Variants in SYNPR observed in about 807,000 individuals in gnomAD.
SYNPR encodes synaptoporin.
Under a neutral mutation model 32.9 loss-of-function variants are expected in SYNPR, and 23 were observed. The observed-to-expected ratio is 0.70, with a 90% CI of 0.50 to 0.99. SYNPR has a LOEUF of 0.99. Among genes scored for constraint, SYNPR ranks in the 50% least tolerant of loss-of-function variants. The pLI is 0.00. For missense variants in SYNPR, 318 were observed against 349.3 expected, an observed-to-expected ratio of 0.91 and a Z score of 0.71; for synonymous variants, 146 against 135.9, an observed-to-expected ratio of 1.07 and a Z score of -0.52.
At chr3:63,614,942 AT>A (rs946331097) in intron 5 of SYNPR, among the ~76,000 whole-genome samples, 1 of 152,190 alleles carries the variant, frequency 6.6e-6, no homozygotes, top group Non-Finnish European at 1.5e-5. Flanking sequence ...AGCTTTCCAC[AT>A]CTTTAATGTG....
intron 4 of SYNPR, among the ~76,000 whole-genome samples, chr3:63,558,251 C>A (rs1489884650): frequency 6.6e-6 from 1 of 152,196 alleles, no homozygotes; most frequent in Non-Finnish European, 1.5e-5. Flanking sequence ...TATAAATTAC[C>A]CAGTCTCAGG....
At chr3:63,389,599 T>C (rs1319761639) in intron 2 of SYNPR, among the ~76,000 whole-genome samples, 2 of 152,326 alleles carry the variant, frequency 1.3e-5, no homozygotes, top group South Asian at 2.1e-4. Flanking sequence ...GTGGGTATTA[T>C]GTGCCCACCC....
intron 1 of SYNPR, among the ~76,000 whole-genome samples, chr3:63,236,943 G>A (rs976304649): frequency 6.6e-6 from 1 of 152,062 alleles, no homozygotes; most frequent in Non-Finnish European, 1.5e-5. Flanking sequence ...TACTTCTGAT[G>A]TTAGGAGGAA....
chr3:63,534,804 G>C (rs1575697346), intron 3 of SYNPR, among the ~76,000 whole-genome samples: 1 of 152,210 alleles, frequency 6.6e-6, no homozygotes, highest in East Asian at 1.9e-4. Flanking sequence ...GAGAAGGTCA[G>C]GCTCTTTTTA....
chr3:63,318,069 C>T (rs910380258), intron 2 of SYNPR, among the ~76,000 whole-genome samples: 5 of 152,006 alleles, frequency 3.3e-5, no homozygotes, highest in Non-Finnish European at 7.4e-5. Context: ...TTTGAGGAAG[C>T]TGAAGATAGG....
At chr3:63,477,217 A>G (rs116341973) in intron 2 of SYNPR, among the ~76,000 whole-genome samples, 2,245 of 152,184 alleles carry the variant, frequency 0.015, 23 homozygotes, top group Middle Eastern at 0.034. Flanking sequence ...GCCCCTGGAG[A>G]GCCTCCAGTC....
rs542160518 is a variant in SYNPR at position 63,553,690 on chromosome 3, T to G, written c.210-2853T>G. ...TAGTGAAGATGAGTATTTTTTAATA[T>G]TTTTTTGGCCACTTCTATGTCTTTT... On this transcript the variant is annotated intron_variant, in intron 3 of 5. Coordinates refer to ENST00000478300, the MANE Select transcript of SYNPR (RefSeq NM_001130003.2). 3.3e-5 allele frequency among the ~76,000 whole-genome samples: 5 copies of G among 152,238 alleles called. No individual in the cohort carries two copies. In the South Asian group the frequency reaches 1.0e-3, roughly 32 times the overall value.
At chr3:63,237,040 A>T (rs1413425060) in intron 1 of SYNPR, among the ~76,000 whole-genome samples, 1 of 151,982 alleles carries the variant, frequency 6.6e-6, no homozygotes, top group Non-Finnish European at 1.5e-5. Flanking sequence ...TTTACTCCCA[A>T]CTTGGTAACA....
chr3:63,252,795 C>T (rs1226555049), intron 2 of SYNPR, among the ~76,000 whole-genome samples: 4 of 152,108 alleles, frequency 2.6e-5, no homozygotes, highest in African/African-American at 9.7e-5. Context: ...AATCTTAGCA[C>T]GTTGGGTGGC....
intron 2 of SYNPR, among the ~76,000 whole-genome samples, chr3:63,279,238 C>T (rs1395521449): frequency 1.3e-5 from 2 of 152,128 alleles, no homozygotes; most frequent in Non-Finnish European, 2.9e-5. Flanking sequence ...TGTTCAACTG[C>T]TCCGCGGGAG....
chr3:63,432,759 G>A lies in SYNPR; in HGVS notation c.85-48073G>A, dbSNP rs116835133. Among the ~76,000 whole-genome samples, 659 of 152,274 alleles carry A rather than the reference G, an allele frequency of 4.3e-3. 3 individuals are homozygous for A. Among genetic ancestry groups the A allele is most frequent in the African/African-American group, 0.015 (623 of 41,568 alleles). On this transcript the variant is annotated intron_variant, in intron 2 of 5. Coordinates refer to ENST00000478300, the MANE Select transcript of SYNPR (RefSeq NM_001130003.2). Reference sequence around the variant, plus strand: ...AGGCAGCTTCTCTCACCTTTGGTGAGACTCCCCTTCCTGCTCAGAGCTTGT... The same window carrying A: ...AGGCAGCTTCTCTCACCTTTGGTGAAACTCCCCTTCCTGCTCAGAGCTTGT...
At chr3:63,291,514 G>T (rs577109011) in intron 2 of SYNPR, among the ~76,000 whole-genome samples, 4 of 152,270 alleles carry the variant, frequency 2.6e-5, no homozygotes, top group Non-Finnish European at 5.9e-5. Flanking sequence ...ACAGCTGGAG[G>T]TTTGTGAGGA....
At chr3:63,427,055 G>A (rs1481787253) in intron 2 of SYNPR, among the ~76,000 whole-genome samples, 4 of 151,782 alleles carry the variant, frequency 2.6e-5, no homozygotes, top group Non-Finnish European at 5.9e-5. Context: ...ACAGAAGAGT[G>A]TCCTCCTAAA....
At chr3:63,525,307 A>G (rs1701991619) in intron 3 of SYNPR, among the ~76,000 whole-genome samples, 1 of 152,154 alleles carries the variant, frequency 6.6e-6, no homozygotes, top group Non-Finnish European at 1.5e-5. Flanking sequence ...GGCTCACATT[A>G]GAATCAGCTG....
chr3:63,345,394 G>C (rs181686256), intron 2 of SYNPR, among the ~76,000 whole-genome samples: 6 of 152,210 alleles, frequency 3.9e-5, no homozygotes, highest in African/African-American at 1.4e-4. Flanking sequence ...TTCTCTGACC[G>C]TCATAATTTT....
At chr3:63,504,171 T>C (rs1204964931) in intron 3 of SYNPR, among the ~76,000 whole-genome samples, 3 of 152,158 alleles carry the variant, frequency 2.0e-5, no homozygotes, top group Non-Finnish European at 2.9e-5. Flanking sequence ...AATTATCATA[T>C]ACATCTATGC....
intron 3 of SYNPR, among the ~76,000 whole-genome samples, chr3:63,535,439 A>C (rs1386845378): frequency 6.6e-6 from 1 of 152,112 alleles, no homozygotes; most frequent in Non-Finnish European, 1.5e-5. Context: ...TACATACAGA[A>C]GAAAAAAGAA....
chr3:63,420,106 G>A (rs369168655), intron 2 of SYNPR, among the ~76,000 whole-genome samples: 2 of 152,186 alleles, frequency 1.3e-5, no homozygotes, highest in African/African-American at 4.8e-5. Context: ...ACATGATCAT[G>A]GATGAGAAGA....
At chr3:63,498,521 C>T (rs999722376) in intron 3 of SYNPR, among the ~76,000 whole-genome samples, 2 of 151,992 alleles carry the variant, frequency 1.3e-5, no homozygotes, top group Non-Finnish European at 2.9e-5. Flanking sequence ...ATTGGGGAAA[C>T]GTTGGCAAAG....
Sources: gnomAD v4.1 joint callset for allele counts (sites outside exome capture counted in the v4.1 genomes callset) on GRCh38, gnomAD v4.1.1 for gene constraint, MANE v1.5 for transcripts, NCBI Gene and HGNC (gene_info 2026-07-23, HGNC 2026-07-21) for gene names.